The following PIK3IP1 variants were observed in gnomAD, a reference collection of about 807,000 sequenced individuals.
The protein encoded by PIK3IP1 is phosphoinositide-3-kinase-interacting protein 1.
Under a neutral mutation model 30.7 loss-of-function variants are expected in PIK3IP1, and 28 were observed. The observed-to-expected ratio is 0.91, with a 90% CI of 0.68 to 1.25. The LOEUF is 1.25. Ranked by LOEUF, PIK3IP1 falls within the 50% of genes most tolerant of loss-of-function variation. The probability of loss-of-function intolerance (pLI) is 0.00; values close to 1 mark genes in which losing one functional copy is unlikely to be tolerated. For synonymous variants in PIK3IP1, 159 were observed against 140.8 expected (o/e 1.13, Z -0.91); for missense variants, 333 against 346.2 (o/e 0.96, Z 0.30).
intron 5 of PIK3IP1, among the ~76,000 whole-genome samples, chr22:31,286,715 CTG>C (rs1341504807): frequency 6.6e-6 from 1 of 152,248 alleles, no homozygotes; most frequent in African/African-American, 2.4e-5. Context: ...GGCCTGGAAA[CTG>C]TCACAGGATT....
chr22:31,284,875 C>T (rs1034983618), intron 5 of PIK3IP1, among the ~76,000 whole-genome samples: 6 of 143,170 alleles, frequency 4.2e-5, no homozygotes, highest in African/African-American at 1.3e-4. Flanking sequence ...CCCCCATTTA[C>T]AGCCCTCCCT....
chr22:31,286,753 G>A (rs1020600701), intron 5 of PIK3IP1, among the ~76,000 whole-genome samples: 14 of 152,212 alleles, frequency 9.2e-5, no homozygotes, highest in African/African-American at 2.9e-4. Context: ...GCTGTTGGGT[G>A]GCTGAGGAAA....
Position 31,291,001 on chromosome 22 carries a change from G to A in PIK3IP1, c.271C>T (p.Pro91Ser). ...AGGTCCTCGCAAGGCCGTTTCTCAG[G>A]GACGCCGGCCTCGCCACTGACGTAG... ...WCYVSGEAGV[P>S]EKRPCEDLRC... Residue 91 changes from proline (P) to serine (S), a missense_variant, in exon 3 of 6, where the codon CCT becomes TCT. Transcript: ENST00000215912. 1.9e-6 allele frequency: 3 copies of A among 1,601,898 alleles called. No homozygotes were observed. Among genetic ancestry groups the A allele is most frequent in the Non-Finnish European group, 2.6e-6 (3 of 1,174,648 alleles).
In PIK3IP1 at chr22:31,283,279, A is replaced by G; in HGVS notation, c.597T>C (p.Asp199=). ...ILGYSYKRGK[D]LKEQHDQKVC... ...CTTTCTGATCATGCTGTTCTTTCAA[A>G]TCCTTCCCCCTGGCAGGAAAAAAAC... Residue 199 remains aspartate (D), a synonymous_variant, in exon 6 of 6, where the codon GAT becomes GAC. Transcript: ENST00000215912. The G allele has an allele frequency of 1.9e-6, 3 of 1,610,904 alleles. No individual in the cohort carries two copies. The highest frequency in any genetic ancestry group is 2.5e-6 in the Non-Finnish European group (3 of 1,179,840).
chr22:31,283,129 CTCCTGAGGG>C lies in PIK3IP1; in HGVS notation c.738_746del (p.Asp246_Gln248del). 5.0e-6 allele frequency: 8 copies of C among 1,613,206 alleles called. No homozygotes were observed. Among genetic ancestry groups the C allele is most frequent in the Non-Finnish European group, 6.8e-6 (8 of 1,179,602 alleles). Reference sequence around the variant, plus strand: ...CCTGGCCCATAAGGGGGGTGGTGCCCTCCTGAGGGTCAACTGGAGTCTGGCTGGTGTGGA... The same window carrying C: ...CCTGGCCCATAAGGGGGGTGGTGCCCTCAACTGGAGTCTGGCTGGTGTGGA... On this transcript the variant is annotated inframe_deletion, in exon 6 of 6. Transcript: ENST00000215912.
chr22:31,288,019 G>A (rs1367556193), intron 5 of PIK3IP1, among the ~76,000 whole-genome samples: 1 of 152,112 alleles, frequency 6.6e-6, no homozygotes, highest in East Asian at 1.9e-4. Context: ...TTGACTACAA[G>A]GCCTTTAAAG....
chr22:31,285,946 G>C (rs544280575), intron 5 of PIK3IP1, among the ~76,000 whole-genome samples: 1 of 152,300 alleles, frequency 6.6e-6, no homozygotes, highest in East Asian at 1.9e-4. Context: ...GCCGAGGCGG[G>C]TGGATTGCCT....
Position 31,292,477 on chromosome 22 carries a change from C to T in PIK3IP1, c.-133G>A. Reference sequence around the variant, plus strand: ...GTTATGCTGTTCTGGTAAACAGCCTCTCTTTAGAACTGGGAGCTTCCCAGC... The same window carrying T: ...GTTATGCTGTTCTGGTAAACAGCCTTTCTTTAGAACTGGGAGCTTCCCAGC... On this transcript the variant is annotated 5_prime_UTR_variant, in exon 1 of 6. Transcript: ENST00000215912. 1.5e-6 allele frequency: 1 copy of T among 686,872 alleles called. No individual in the cohort carries two copies. The highest frequency in any genetic ancestry group is 2.5e-6 in the Non-Finnish European group (1 of 392,178). The allele number at this position is 686,872 out of a possible 1,614,324, so 42.5% of individuals were successfully genotyped here. A position where few individuals can be genotyped will look rare whatever the true frequency, so the allele number is the denominator to read the frequency against.
At chr22:31,288,747 G>A (rs2049150056) in intron 5 of PIK3IP1, among the ~76,000 whole-genome samples, 1 of 152,212 alleles carries the variant, frequency 6.6e-6, no homozygotes, top group South Asian at 2.1e-4. Context: ...CTCACACGTG[G>A]TGAAGAGTGG....
At chr22:31,289,942 C>CT (rs2049161124) in intron 3 of PIK3IP1, 1 of 502,508 alleles carries the variant, frequency 2.0e-6, no homozygotes, top group Admixed American at 3.4e-5. Context: ...CCTCCCACGT[C>CT]TTTATCTGTC....
intron 4 of PIK3IP1, 48 bp from the exon 5 acceptor site, chr22:31,289,441 C>A (rs368898316): frequency 3.4e-5 from 53 of 1,563,514 alleles, no homozygotes; most frequent in Non-Finnish European, 4.6e-5. Context: ...CCTAGACAAT[C>A]AGCAAATGAC....
At chr22:31,287,014 C>CTTTTTTTT (rs11427273) in intron 5 of PIK3IP1, among the ~76,000 whole-genome samples, 3 of 98,644 alleles carry the variant, frequency 3.0e-5, no homozygotes, top group African/African-American at 7.5e-5. Context: ...CCATTACCCA[C>CTTTTTTTT]TTTTTTTTTT....
chr22:31,292,515 G>C, upstream of PIK3IP1: 1 of 604,784 alleles, frequency 1.7e-6, no homozygotes, highest in African/African-American at 1.8e-5. Context: ...GCTTGCTGCA[G>C]CGCGAGCTGT....
chr22:31,288,898 A>G (rs2049151208), intron 5 of PIK3IP1: 5 of 310,812 alleles, frequency 1.6e-5, no homozygotes, highest in African/African-American at 2.1e-5. Flanking sequence ...TAACTCACAG[A>G]AAGAATTTGG....
At chr22:31,283,337 C>G in intron 5 of PIK3IP1, 49 bp from the exon 6 acceptor site, 1 of 1,594,698 alleles carries the variant, frequency 6.3e-7, no homozygotes, top group Non-Finnish European at 8.6e-7. Context: ...TCCTGCATAG[C>G]TTTGCTCATT....
upstream of PIK3IP1, chr22:31,292,522 CTG>C: frequency 3.3e-6 from 2 of 600,868 alleles, no homozygotes; most frequent in Non-Finnish European, 5.9e-6. Flanking sequence ...GCAGCGCGAG[CTG>C]TTTTTCAGCT....
intron 5 of PIK3IP1, among the ~76,000 whole-genome samples, chr22:31,288,440 A>G (rs979093573): frequency 2.8e-4 from 40 of 144,698 alleles, no homozygotes; most frequent in Middle Eastern, 3.5e-3. Flanking sequence ...GGGAGGGAGG[A>G]AAGGAAGGAA....
chr22:31,283,359 C>G, intron 5 of PIK3IP1, 71 bp from the exon 6 acceptor site: 1 of 1,518,660 alleles, frequency 6.6e-7, no homozygotes, highest in East Asian at 2.3e-5. Flanking sequence ...GATAGCATCC[C>G]TGAGGCTCAG....
At position 31,291,187 on chromosome 22, in the gene PIK3IP1, G is replaced by C. The variant is rs1035284727; in HGVS notation, c.180C>G (p.Pro60=). ...LDAQSGLASA[P]VSGAGNHSYC... ...CCCCCGGAGGACACTTACCCGACAC[G>C]GGGGCCGAGGCCAGCCCGCTCTGCG... Residue 60 remains proline (P), a synonymous_variant, in exon 2 of 6, where the codon CCC becomes CCG. Transcript: ENST00000215912. 1.9e-5 allele frequency: 30 copies of C among 1,546,426 alleles called. No homozygotes were observed. Among genetic ancestry groups the C allele is most frequent in the Non-Finnish European group, 2.4e-5 (27 of 1,145,192 alleles).
Sources: gnomAD v4.1 joint callset for allele counts (sites outside exome capture counted in the v4.1 genomes callset) on GRCh38, gnomAD v4.1.1 for gene constraint, MANE v1.5 for transcripts, NCBI Gene and HGNC (gene_info 2026-07-23, HGNC 2026-07-21) for gene names.